Variants in CFAP47 observed in about 807,000 individuals in gnomAD.
The protein encoded by CFAP47 is cilia and flagella associated protein 47, also known as cilia- and flagella-associated protein 47.
In CFAP47, 29 loss-of-function variants were observed where a neutral mutation model predicts 148.1. The ratio of observed to expected loss-of-function variants is 0.20; its 90% CI spans 0.15 to 0.27. CFAP47 has a LOEUF of 0.27. Among genes scored for constraint, CFAP47 ranks in the 10% least tolerant of loss-of-function variants. CFAP47 has a pLI of 1.00. For missense variants in CFAP47, 1,872 were observed against 1,697.5 expected, an observed-to-expected ratio of 1.10 and a Z score of -1.81; for synonymous variants, 664 against 577.3, an observed-to-expected ratio of 1.15 and a Z score of -2.15.
At chrX:35,923,979 G>GTAAA (rs1569200897) in intron 1 of CFAP47, among the ~76,000 whole-genome samples, 9 of 97,966 alleles carry the variant, frequency 9.2e-5, no homozygotes, top group African/African-American at 3.9e-4. Flanking sequence ...GTATGTATGT[G>GTAAA]TATATATGTA....
chrX:36,322,473 T>TA (rs1436655251), intron 57 of CFAP47, among the ~76,000 whole-genome samples: 63 of 110,955 alleles, frequency 5.7e-4, no homozygotes, highest in Middle Eastern at 9.3e-3. Context: ...TGACTGCCGA[T>TA]AAAATCTATA....
intron 45 of CFAP47, among the ~76,000 whole-genome samples, chrX:36,212,628 A>T (rs1940115188): frequency 9.0e-6 from 1 of 110,591 alleles, no homozygotes; most frequent in African/African-American, 3.3e-5. Flanking sequence ...AGTTAAATAT[A>T]TTCCTATTTT....
chrX:36,009,663 A>G (rs771005737), intron 21 of CFAP47, among the ~76,000 whole-genome samples: 9 of 112,394 alleles, frequency 8.0e-5, no homozygotes, highest in Non-Finnish European at 1.7e-4. Context: ...AATGGACTGT[A>G]CATAAGATTC....
intron 62 of CFAP47, among the ~76,000 whole-genome samples, chrX:36,371,399 A>C (rs1171396610): frequency 9.2e-6 from 1 of 108,933 alleles, no homozygotes. Context: ...TGAAATAGTC[A>C]TTTGGGATCA....
chrX:36,292,557 T>C (rs1941203617), intron 51 of CFAP47, among the ~76,000 whole-genome samples: 2 of 112,151 alleles, frequency 1.8e-5, no homozygotes, highest in Admixed American at 1.9e-4. Flanking sequence ...GATGGTATGG[T>C]GAAAATACTT....
At chrX:36,283,992 G>T (rs1050404873) in intron 50 of CFAP47, among the ~76,000 whole-genome samples, 1 of 111,882 alleles carries the variant, frequency 8.9e-6, no homozygotes, top group Non-Finnish European at 1.9e-5. Flanking sequence ...TTCAGTGTGG[G>T]TTAAAATATT....
chrX:36,296,505 A>G (rs782090150), intron 51 of CFAP47, among the ~76,000 whole-genome samples: 8 of 112,434 alleles, frequency 7.1e-5, no homozygotes, highest in African/African-American at 1.3e-4. Flanking sequence ...AAAATATTAC[A>G]TGTGGTAAAT....
chrX:35,951,546 T>C (rs1054067090), intron 5 of CFAP47, among the ~76,000 whole-genome samples, 187 bp downstream of exon 5: 2 of 112,028 alleles, frequency 1.8e-5, no homozygotes, highest in African/African-American at 6.5e-5. Flanking sequence ...TTTATAGTAA[T>C]ATATATCTGA....
At chrX:36,035,899 C>T (rs975791970) in intron 24 of CFAP47, 45 bp downstream of exon 24, 2 of 290,017 alleles carry the variant, frequency 6.9e-6, no homozygotes, top group Admixed American at 6.2e-5. Context: ...TTCAATTTAC[C>T]CTTCATATAT....
chrX:36,186,741 C>T (rs1555985713), intron 40 of CFAP47, among the ~76,000 whole-genome samples: 1 of 111,398 alleles, frequency 9.0e-6, no homozygotes, highest in African/African-American at 3.3e-5. Flanking sequence ...GTGATGCATA[C>T]CACTACTGCA....
At position 36,091,126 on chromosome X, in the gene CFAP47, C is replaced by T. The variant is rs1197544243; in HGVS notation, c.4916+5588C>T. ...CTTGAGGTAGATTCAAAATGAAAAG[C>T]ATAAAACAAGTCTTCATAACAGTCT... On this transcript the variant is annotated intron_variant, in intron 30 of 63. Transcript: ENST00000378653. 3.6e-5 allele frequency among the ~76,000 whole-genome samples: 4 copies of T among 111,138 alleles called. No homozygotes were observed. In the Admixed American group the frequency reaches 3.8e-4, roughly 11 times the overall value.
chrX:36,134,688 A>G (rs1449219305), intron 33 of CFAP47, among the ~76,000 whole-genome samples: 1 of 111,368 alleles, frequency 9.0e-6, no homozygotes, highest in Non-Finnish European at 1.9e-5. Context: ...ACATACATAT[A>G]TACACGTATA....
chrX:36,144,763 T>C, intron 35 of CFAP47: 1 of 1,026,426 alleles, frequency 9.7e-7, no homozygotes, highest in Non-Finnish European at 1.3e-6. Context: ...TCTTTCTCCC[T>C]TTGGAGCAGG....
intron 3 of CFAP47, among the ~76,000 whole-genome samples, chrX:35,945,296 C>T (rs909510202): frequency 9.0e-6 from 1 of 110,940 alleles, no homozygotes; most frequent in Non-Finnish European, 1.9e-5. Flanking sequence ...CCACCTCTGC[C>T]CTCTTCAGTT....
At chrX:36,307,571 T>A (rs1941360996) in intron 55 of CFAP47, among the ~76,000 whole-genome samples, 1 of 111,185 alleles carries the variant, frequency 9.0e-6, no homozygotes, top group East Asian at 2.8e-4. Context: ...TACTACCAAT[T>A]AAAATTTTAT....
chrX:36,332,247 G>T (rs1185361035), intron 57 of CFAP47, among the ~76,000 whole-genome samples: 2 of 111,348 alleles, frequency 1.8e-5, no homozygotes, highest in Non-Finnish European at 3.8e-5. Flanking sequence ...ATCAAATGTA[G>T]TTGGAGCCCT....
At chrX:36,276,696 ATG>A (rs1265122265) in intron 49 of CFAP47, among the ~76,000 whole-genome samples, 1 of 112,013 alleles carries the variant, frequency 8.9e-6, no homozygotes, top group African/African-American at 3.2e-5. Flanking sequence ...TAATATTAGT[ATG>A]TGTGTGTAAA....
chrX:36,263,834 C>A (rs944391413), intron 49 of CFAP47, among the ~76,000 whole-genome samples: 1 of 111,953 alleles, frequency 8.9e-6, no homozygotes, highest in Admixed American at 9.4e-5. Context: ...TCTCAAGCAG[C>A]CACCCTATAG....
At chrX:36,124,172 G>C (rs147243344) in intron 33 of CFAP47, among the ~76,000 whole-genome samples, 105 of 111,387 alleles carry the variant, frequency 9.4e-4, no homozygotes, top group African/African-American at 3.4e-3. Flanking sequence ...TGCAAGACAG[G>C]GTTCTCCCAA....
Sources: gnomAD v4.1 joint callset for allele counts (sites outside exome capture counted in the v4.1 genomes callset) on GRCh38, gnomAD v4.1.1 for gene constraint, MANE v1.5 for transcripts, NCBI Gene and HGNC (gene_info 2026-07-23, HGNC 2026-07-21) for gene names.